Variants in PPM1D observed in about 807,000 individuals in gnomAD.
The protein encoded by PPM1D is protein phosphatase, Mg2+/Mn2+ dependent 1D, also known as protein phosphatase 1D.
In PPM1D, 52 loss-of-function variants were observed where a neutral mutation model predicts 58.3. The ratio of observed to expected loss-of-function variants is 0.89; its 90% CI spans 0.71 to 1.12. The LOEUF (loss-of-function observed/expected upper bound fraction) is 1.12, where lower values mean the gene tolerates loss of function less well. PPM1D is among the 50% of genes most tolerant of loss of function. The pLI is 0.00. For synonymous variants in PPM1D, 278 were observed against 285.1 expected (o/e 0.98, Z 0.25); for missense variants, 564 against 777.2 (o/e 0.73, Z 3.26).
chr17:60,618,207 C>G (rs2030624880), intron 1 of PPM1D, among the ~76,000 whole-genome samples: 2 of 152,200 alleles, frequency 1.3e-5, no homozygotes, highest in Admixed American at 1.3e-4. Flanking sequence ...CTCCTGGGCT[C>G]AAGCGATCCC....
In PPM1D at chr17:60,656,786, A is replaced by G. The variant is rs2031447679; in HGVS notation, c.1205A>G (p.Asn402Ser). Residue 402 changes from asparagine (N) to serine (S), a missense_variant, in exon 5 of 6, where the codon AAT (asparagine) becomes AGT (serine). By Grantham distance (46) the Asn-to-Ser change is conservative. Transcript: ENST00000305921. ...AACCTGACTGACAGCCCTTCCTATA[A>G]TAGTCAAGAAACCTGTGTGATGACT... ...YLNLTDSPSY[N>S]SQETCVMTPS... 6.2e-7 allele frequency: 1 copy of G among 1,614,198 alleles called. No homozygotes were observed. Among genetic ancestry groups the G allele is most frequent in the East Asian group, 2.2e-5 (1 of 44,880 alleles).
At position 60,663,708 on chromosome 17, in the gene PPM1D, G is replaced by C; in HGVS notation, c.*156G>C. On this transcript the variant is annotated 3_prime_UTR_variant, in exon 6 of 6. Transcript: ENST00000305921. Reference sequence around the variant, plus strand: ...GCAGTTTTATCCTGGCCTTGTACTTGCTTGTATTGTAAATGTGGATTTTGT... The same window carrying C: ...GCAGTTTTATCCTGGCCTTGTACTTCCTTGTATTGTAAATGTGGATTTTGT... 1 of 751,752 alleles carries C rather than the reference G, an allele frequency of 1.3e-6. No homozygotes were observed. Among genetic ancestry groups the C allele is most frequent in the Non-Finnish European group, 2.1e-6 (1 of 480,726 alleles). The allele number at this position is 751,752 out of a possible 1,614,324, so 46.6% of individuals were successfully genotyped here.
At chr17:60,649,487 A>C (rs2031305777) in intron 4 of PPM1D, among the ~76,000 whole-genome samples, 1 of 151,798 alleles carries the variant, frequency 6.6e-6, no homozygotes, top group Non-Finnish European at 1.5e-5. Context: ...TCAGGAGTTA[A>C]GAGACCAGCC....
Position 60,663,734 on chromosome 17 carries a change from AG to A in PPM1D, c.*183del, listed in dbSNP as rs2031573719. 5 of 652,464 alleles carry A rather than the reference AG, an allele frequency of 7.7e-6. No homozygotes were observed. The highest frequency in any genetic ancestry group is 1.3e-5 in the Non-Finnish European group (5 of 394,900). 40.4% of individuals were successfully genotyped at this position (652,464 alleles called of 1,614,324 possible). A position where few individuals can be genotyped will look rare whatever the true frequency, so the allele number is the denominator to read the frequency against. On this transcript the variant is annotated 3_prime_UTR_variant, in exon 6 of 6. Transcript: ENST00000305921. ...CTTGTATTGTAAATGTGGATTTTGT[AG>A]ATGTTAGGGTATAAGTTGCTGTAAA...
At chr17:60,644,051 G>A (rs1189877622) in intron 3 of PPM1D, among the ~76,000 whole-genome samples, 4 of 151,318 alleles carry the variant, frequency 2.6e-5, no homozygotes, top group Admixed American at 6.6e-5. Flanking sequence ...AGCTAATTTT[G>A]TATTTTTAGT....
At chr17:60,645,500 A>ATATATATATGTGTATATATATG (rs1567974541) in intron 3 of PPM1D, among the ~76,000 whole-genome samples, 12 of 123,316 alleles carry the variant, frequency 9.7e-5, no homozygotes, top group African/African-American at 3.6e-4. Flanking sequence ...GTGTATGTGT[A>ATATATATATGTGTATATATATG]TATATATATG....
At chr17:60,625,752 A>G (rs1048519990) in intron 2 of PPM1D, among the ~76,000 whole-genome samples, 32 of 152,344 alleles carry the variant, frequency 2.1e-4, no homozygotes, top group Non-Finnish European at 4.0e-4. Flanking sequence ...ATATAAAATT[A>G]TATTTCTGGT....
intron 1 of PPM1D, among the ~76,000 whole-genome samples, chr17:60,617,751 G>GC (rs1463849729): frequency 2.0e-5 from 3 of 151,956 alleles, no homozygotes; most frequent in African/African-American, 4.8e-5. Context: ...CCTTTTCTCT[G>GC]CTTTTTTTTT....
intron 1 of PPM1D, among the ~76,000 whole-genome samples, chr17:60,620,262 G>A (rs930799482): frequency 1.1e-4 from 16 of 152,122 alleles, no homozygotes; most frequent in African/African-American, 3.9e-4. Context: ...CTCCCAGAGT[G>A]CTGGGAATAC....
chr17:60,661,162 T>C (rs1324059611), intron 5 of PPM1D, among the ~76,000 whole-genome samples: 1 of 136,352 alleles, frequency 7.3e-6, no homozygotes, highest in East Asian at 2.1e-4. Flanking sequence ...GAGGTTGTGG[T>C]GAACCAAGAT....
At chr17:60,652,550 G>GTTT (rs776162517) in intron 4 of PPM1D, among the ~76,000 whole-genome samples, 1,338 of 67,560 alleles carry the variant, frequency 0.02, 18 homozygotes, top group South Asian at 0.025. Flanking sequence ...GTTTACTTCT[G>GTTT]TTTTTTTTTT....
In PPM1D at chr17:60,663,438, A is replaced by C; in HGVS notation, c.1704A>C (p.Thr568=). 1 of 1,614,210 alleles carries C rather than the reference A, an allele frequency of 6.2e-7. No homozygotes were observed. The highest frequency in any genetic ancestry group is 8.5e-7 in the Non-Finnish European group (1 of 1,180,038). The stretch of plus-strand genomic sequence containing the variant: ...GTGCTCAGCCTGCAAGTCTCCCCAC[A>C]ACCTCACAGCGAAAGAACTCTGTTA... The part of the protein sequence containing the change: ...SSGAQPASLP[T]TSQRKNSVKL... Residue 568 remains threonine (T), a synonymous_variant, in exon 6 of 6, where the codon ACA becomes ACC. Transcript: ENST00000305921.
intron 1 of PPM1D, among the ~76,000 whole-genome samples, chr17:60,618,999 T>G (rs1262155567): frequency 6.6e-6 from 1 of 152,206 alleles, no homozygotes; most frequent in Non-Finnish European, 1.5e-5. Flanking sequence ...AAGAACTTAC[T>G]CATAATGGGA....
chr17:60,642,352 ATTTTTTTT>A (rs760188816), intron 3 of PPM1D, among the ~76,000 whole-genome samples: 2 of 124,858 alleles, frequency 1.6e-5, no homozygotes, highest in African/African-American at 3.1e-5. Flanking sequence ...AGAAGAATGG[ATTTTTTTT>A]TTTTTTTTTT....
chr17:60,608,610 AAAT>A (rs894298055), intron 1 of PPM1D, among the ~76,000 whole-genome samples: 2 of 152,070 alleles, frequency 1.3e-5, no homozygotes, highest in African/African-American at 4.8e-5. Context: ...TAAATAAATA[AAAT>A]AATAAAACAT....
chr17:60,642,482 T>C (rs2031155070), intron 3 of PPM1D, among the ~76,000 whole-genome samples: 1 of 151,542 alleles, frequency 6.6e-6, no homozygotes, highest in Admixed American at 6.6e-5. Flanking sequence ...TTTTTTGAGA[T>C]GGTGTCTTGC....
chr17:60,633,911 A>G lies in PPM1D; in HGVS notation c.760A>G (p.Asn254Asp). ...TTGGAAACGACCTCGACTCACTCACAATGGACCTGTTAGAAGGAGCACAGT... is the reference window on the plus strand; with the variant it reads ...TTGGAAACGACCTCGACTCACTCACGATGGACCTGTTAGAAGGAGCACAGT... ...VVWKRPRLTH[N>D]GPVRRSTVID... is the part of the protein sequence containing the mutation. Residue 254 changes from asparagine to aspartate, a missense_variant, in exon 3 of 6, where the codon AAT becomes GAT. Transcript: ENST00000305921. The G allele has an allele frequency of 6.2e-7, 1 of 1,613,980 alleles. No homozygotes were observed. Among genetic ancestry groups the G allele is most frequent in the Non-Finnish European group, 8.5e-7 (1 of 1,179,872 alleles).
rs574536485 is a variant in PPM1D, at chr17:60,657,054, C to A, written c.1260+213C>A. The A allele has an allele frequency of 1.2e-5, 18 of 1,453,960 alleles. No homozygotes were observed. The South Asian group carries it at 2.5e-4, about 20-fold the overall frequency. 90.1% of individuals were successfully genotyped at this position (1,453,960 alleles called of 1,614,324 possible). A position where few individuals can be genotyped will look rare whatever the true frequency, so the allele number is the denominator to read the frequency against. ...GCACTAATAAAAAGGTGATTGTGGG[C>A]CCTTAAGAATATTATTGTTTGCCAT... On this transcript the variant is annotated intron_variant, in intron 5 of 5. Coordinates refer to ENST00000305921, the MANE Select transcript of PPM1D (RefSeq NM_003620.4).
rs1218606024 is a variant in PPM1D, at chr17:60,651,401, G to GTT, written c.1017+3333_1017+3334dup. Among the ~76,000 whole-genome samples, 416 of 139,094 alleles carry GTT rather than the reference G, an allele frequency of 3.0e-3. 2 individuals carry two copies. Among genetic ancestry groups the GTT allele is most frequent in the African/African-American group, 9.9e-3 (377 of 38,092 alleles). The allele number at this position is 139,094 out of a possible 152,430, so 91.3% of individuals were successfully genotyped here. A position where few individuals can be genotyped will look rare whatever the true frequency, so the allele number is the denominator to read the frequency against. On this transcript the variant is annotated intron_variant, in intron 4 of 5. Coordinates refer to ENST00000305921, the MANE Select transcript of PPM1D (RefSeq NM_003620.4). ...CACAGTTCAATTAACAGTGTTTTTGGTTTTTTTTTTTTTTTGAGATGTAAT... is the reference window on the plus strand; with the variant it reads ...CACAGTTCAATTAACAGTGTTTTTGGTTTTTTTTTTTTTTTTTGAGATGTAAT...
Sources: gnomAD v4.1 joint callset for allele counts (sites outside exome capture counted in the v4.1 genomes callset) on GRCh38, gnomAD v4.1.1 for gene constraint, MANE v1.5 for transcripts, NCBI Gene and HGNC (gene_info 2026-07-23, HGNC 2026-07-21) for gene names.